The following ATP1A4 variants were observed in gnomAD, a reference collection of about 807,000 sequenced individuals.
ATP1A4 encodes the protein sodium/potassium-transporting ATPase subunit alpha-4.
A neutral mutation model predicts 114.3 loss-of-function variants in ATP1A4; 90 were observed. The ratio of observed to expected loss-of-function variants is 0.79; its 90% CI spans 0.66 to 0.94. The LOEUF is 0.94. Ranked by LOEUF, ATP1A4 falls within the 40% of genes least tolerant of loss-of-function variation. The probability of loss-of-function intolerance (pLI) is 0.00; values close to 1 mark genes in which losing one functional copy is unlikely to be tolerated. For missense variants in ATP1A4, 1,222 were observed against 1,313.6 expected, an observed-to-expected ratio of 0.93 and a Z score of 1.08; for synonymous variants, 511 against 494.1, an observed-to-expected ratio of 1.03 and a Z score of -0.45.
intron 7 of ATP1A4, 41 bp downstream of exon 7, chr1:160,164,465 C>G (rs1261904597): frequency 6.2e-7 from 1 of 1,605,710 alleles, no homozygotes; most frequent in Non-Finnish European, 8.5e-7. Context: ...GGCAGACAAA[C>G]CACCCCAGGG....
chr1:160,181,758 G>C lies in ATP1A4; in HGVS notation c.2811G>C (p.Trp937Cys). 1 of 1,613,878 alleles carries C rather than the reference G, an allele frequency of 6.2e-7. No individual in the cohort carries two copies. The highest frequency in any genetic ancestry group is 8.5e-7 in the Non-Finnish European group (1 of 1,180,002). Reference sequence around the variant, plus strand: ...TTGTCACCATCGTGGTTGTGCAGTGGGCGGATCTCATCATCTCCAAGACTC... The same window carrying C: ...TTGTCACCATCGTGGTTGTGCAGTGCGCGGATCTCATCATCTCCAAGACTC... The part of the protein sequence containing the change: ...AFFVTIVVVQ[W>C]ADLIISKTRR... Residue 937 changes from tryptophan (W) to cysteine (C), a missense_variant, in exon 19 of 22, where the codon TGG (tryptophan) becomes TGC (cysteine). Coordinates refer to ENST00000368081, the MANE Select transcript of ATP1A4 (RefSeq NM_144699.4).
At chr1:160,181,419 G>A (rs1653696827) in intron 18 of ATP1A4, among the ~76,000 whole-genome samples, 1 of 152,088 alleles carries the variant, frequency 6.6e-6, no homozygotes, top group Admixed American at 6.5e-5. Flanking sequence ...GCTGGGTGTG[G>A]TGGCAGGCGC....
intron 2 of ATP1A4, among the ~76,000 whole-genome samples, chr1:160,154,036 A>G (rs984294165): frequency 1.3e-5 from 2 of 152,136 alleles, no homozygotes; most frequent in Admixed American, 6.5e-5. Context: ...GAATCTATGC[A>G]TTCATGTTTT....
At position 160,174,235 on chromosome 1, in the gene ATP1A4, A is replaced by T; in HGVS notation, c.2116A>T (p.Ile706Phe). The change falls in exon 14 of 22, where the codon ATC becomes TTC. Residue 706 changes from isoleucine (I) to phenylalanine (F), a missense_variant. Physicochemically the swap from Ile to Phe is conservative, Grantham distance 21. Coordinates refer to ENST00000368081, the MANE Select transcript of ATP1A4 (RefSeq NM_144699.4). ...FARTSPQQKL[I>F]IVEGCQRLGA... is the part of the protein sequence containing the mutation. The stretch of plus-strand genomic sequence containing the variant: ...TCGGACCTCCCCTCAGCAGAAGCTC[A>T]TCATTGTCGAGGGATGTCAGAGGCT... 4 of 1,614,066 alleles carry T rather than the reference A, an allele frequency of 2.5e-6. No individual in the cohort carries two copies. Among genetic ancestry groups the T allele is most frequent in the Non-Finnish European group, 3.4e-6 (4 of 1,179,980 alleles).
chr1:160,165,988 G>A (rs1187661784), intron 7 of ATP1A4, among the ~76,000 whole-genome samples: 3 of 150,812 alleles, frequency 2.0e-5, no homozygotes, highest in Non-Finnish European at 4.4e-5. Context: ...ACTCTTTTTT[G>A]GCCAGGCACG....
chr1:160,155,016 C>T (rs1440091165), intron 2 of ATP1A4, 29 bp from the exon 3 acceptor site: 2 of 1,605,722 alleles, frequency 1.2e-6, no homozygotes, highest in African/African-American at 2.7e-5. Context: ...TCACAGCTCT[C>T]TATCCAACCC....
At chr1:160,185,206 G>A (rs942373134) in intron 20 of ATP1A4, among the ~76,000 whole-genome samples, 4 of 151,598 alleles carry the variant, frequency 2.6e-5, no homozygotes, top group South Asian at 2.1e-4. Flanking sequence ...TCCGCCTCCC[G>A]GGTTCAAGTA....
Position 160,181,930 on chromosome 1 carries a change from A to C in ATP1A4, c.2868A>C (p.Arg956Ser). 1.2e-6 allele frequency: 2 copies of C among 1,614,058 alleles called. No individual in the cohort carries two copies. The highest frequency in any genetic ancestry group is 3.3e-5 in the Admixed American group (2 of 60,016). ...CACACCCATGAATGTTTCTTCCCAG[A>C]AACAAAGTCTTAATATTTGGGATCC... is the stretch of plus-strand genomic sequence containing the variant. The part of the protein sequence containing the change: ...RRNSLFQQGM[R>S]NKVLIFGILE... The change falls in exon 20 of 22, where the codon AGA becomes AGC. Residue 956 changes from arginine (R) to serine (S), a missense_variant and splice_region_variant. By Grantham distance (110) the Arg-to-Ser change is moderately radical. Coordinates refer to ENST00000368081, the MANE Select transcript of ATP1A4 (RefSeq NM_144699.4).
In ATP1A4 at chr1:160,152,302, G is replaced by C. The variant is rs1652486734; in HGVS notation, c.147+115G>C. On this transcript the variant is annotated intron_variant, in intron 1 of 21. Coordinates refer to ENST00000368081, the MANE Select transcript of ATP1A4 (RefSeq NM_144699.4). ...CAGGCCAGAGCCACATCTCTTCTCT[G>C]TTAGGCTTTGGAGGGAAGGAGAGGG... 6.1e-6 allele frequency: 7 copies of C among 1,153,780 alleles called. No homozygotes were observed. In the South Asian group the frequency reaches 1.3e-4, roughly 21 times the overall value. The allele number at this position is 1,153,780 out of a possible 1,614,324, so 71.5% of individuals were successfully genotyped here. A position where few individuals can be genotyped will look rare whatever the true frequency, so the allele number is the denominator to read the frequency against.
At chr1:160,169,356 G>A (rs1353367173) in intron 10 of ATP1A4, among the ~76,000 whole-genome samples, 2 of 152,196 alleles carry the variant, frequency 1.3e-5, no homozygotes, top group East Asian at 3.8e-4. Context: ...ATCAAGATGT[G>A]ATTTTCTTCC....
rs774267043 is a variant in ATP1A4, at chr1:160,181,943, A to G, written c.2881A>G (p.Ile961Val). Residue 961 changes from isoleucine (I) to valine (V), a missense_variant, in exon 20 of 22, where the codon ATA becomes GTA. By Grantham distance (29) the Ile-to-Val change is conservative (BLOSUM62 3). Coordinates refer to ENST00000368081, the MANE Select transcript of ATP1A4 (RefSeq NM_144699.4). Reference sequence around the variant, plus strand: ...GTTTCTTCCCAGAAACAAAGTCTTAATATTTGGGATCCTGGAGGAGACACT... The same window carrying G: ...GTTTCTTCCCAGAAACAAAGTCTTAGTATTTGGGATCCTGGAGGAGACACT... ...FQQGMRNKVL[I>V]FGILEETLLA... The G allele has an allele frequency of 2.5e-6, 4 of 1,613,888 alleles. No homozygotes were observed. Among genetic ancestry groups the G allele is most frequent in the Non-Finnish European group, 3.4e-6 (4 of 1,179,982 alleles).
rs776546098 is a variant in ATP1A4, at chr1:160,152,187, G to T, written c.147G>T (p.Met49Ile). Residue 49 changes from methionine to isoleucine, a missense_variant and splice_region_variant, in exon 1 of 22, where the codon ATG becomes ATT. By Grantham distance (10) the Met-to-Ile change is conservative. Transcript: ENST00000368081. ...AGGAACTGAAGAAGGAAGTGGTCAT[G>T]GTGAGGCCACCCAAAGTGGGCGCTG... The part of the protein sequence containing the change: ...NMEELKKEVV[M>I]DDHKLTLEEL... 1 of 1,612,954 alleles carries T rather than the reference G, an allele frequency of 6.2e-7. No individual in the cohort carries two copies. Among genetic ancestry groups the T allele is most frequent in the South Asian group, 1.1e-5 (1 of 91,002 alleles).
At chr1:160,166,426 A>C in intron 7 of ATP1A4, 102 bp from the exon 8 acceptor site, 1 of 1,441,198 alleles carries the variant, frequency 6.9e-7, no homozygotes, top group Non-Finnish European at 9.3e-7. Context: ...AAGTAAGTAC[A>C]AAAAATCAAA....
rs763985078 is a variant in ATP1A4, at chr1:160,177,567, C to T, written c.2639C>T (p.Ala880Val). Residue 880 changes from alanine to valine, a missense_variant, in exon 18 of 22, where the codon GCT becomes GTT. Physicochemically the swap from Ala to Val is moderately conservative, Grantham distance 64 (BLOSUM62 0). Coordinates refer to ENST00000368081, the MANE Select transcript of ATP1A4 (RefSeq NM_144699.4). ...TTCTTTACCTACTTTGTAATCCTGG[C>T]TGAGAATGGTTTTAGGCCTGTTGAT... is the stretch of plus-strand genomic sequence containing the variant. ...AGFFTYFVIL[A>V]ENGFRPVDLL... The T allele has an allele frequency of 6.2e-7, 1 of 1,614,130 alleles. No individual in the cohort carries two copies. Among genetic ancestry groups the T allele is most frequent in the Non-Finnish European group, 8.5e-7 (1 of 1,180,018 alleles).
chr1:160,186,943 C>G lies in ATP1A4; in HGVS notation c.*244C>G, dbSNP rs1454445822. 7.1e-6 allele frequency: 4 copies of G among 561,196 alleles called. 1 individual carries two copies. The highest frequency in any genetic ancestry group is 1.3e-5 in the Non-Finnish European group (4 of 312,520). 34.8% of individuals were successfully genotyped at this position (561,196 alleles called of 1,614,324 possible). On this transcript the variant is annotated 3_prime_UTR_variant, in exon 22 of 22. Transcript: ENST00000368081. ...GGCATGGTCCTGCTGAATCCCGTAG[C>G]CAGTCTAGACAGTAAATGTCTGGAA...
chr1:160,177,441 C>G (rs1250712235), intron 17 of ATP1A4, 78 bp from the exon 18 acceptor site: 2 of 1,534,194 alleles, frequency 1.3e-6, no homozygotes, highest in Non-Finnish European at 1.8e-6. Flanking sequence ...AGTCCCAGCC[C>G]CCAGCCCTCC....
chr1:160,161,632 C>T (rs1350197683), intron 6 of ATP1A4, among the ~76,000 whole-genome samples: 1 of 152,220 alleles, frequency 6.6e-6, no homozygotes, highest in African/African-American at 2.4e-5. Flanking sequence ...CCACCCTCCT[C>T]CACCCGGCCC....
chr1:160,173,760 T>C (rs756833562), intron 13 of ATP1A4, 43 bp downstream of exon 13: 1 of 1,594,038 alleles, frequency 6.3e-7, no homozygotes. Context: ...GTTCCCTCCA[T>C]CCCCAGCCTG....
intron 10 of ATP1A4, among the ~76,000 whole-genome samples, chr1:160,168,717 C>T (rs115808164): frequency 6.6e-6 from 1 of 152,086 alleles, no homozygotes; most frequent in Non-Finnish European, 1.5e-5. Context: ...AATTACTCAT[C>T]GTTTTACACT....
Sources: allele counts gnomAD v4.1 joint callset (sites outside exome capture counted in the v4.1 genomes callset), GRCh38; gene constraint gnomAD v4.1.1; transcripts MANE v1.5; gene names NCBI Gene and HGNC (gene_info 2026-07-23, HGNC 2026-07-21).